Variants in DLG2 observed in about 807,000 individuals in gnomAD.
The protein encoded by DLG2 is discs large MAGUK scaffold protein 2.
DLG2 carries 45 observed loss-of-function variants against 132.5 expected under a neutral mutation model. The ratio of observed to expected loss-of-function variants is 0.34; its 90% CI spans 0.27 to 0.44. DLG2 has a LOEUF of 0.44. DLG2 is among the 20% of genes least tolerant of loss of function. The pLI is 1.00. For synonymous variants in DLG2, 424 were observed against 419.6 expected, an observed-to-expected ratio of 1.01 and a Z score of -0.13; for missense variants, 1,045 against 1,196.9, an observed-to-expected ratio of 0.87 and a Z score of 1.87.
chr11:84,179,373 A>T (rs147668452), intron 8 of DLG2, among the ~76,000 whole-genome samples: 1 of 152,292 alleles, frequency 6.6e-6, no homozygotes, highest in East Asian at 1.9e-4. Flanking sequence ...CTGTCCCCAA[A>T]ATCAGTCAGA....
rs1307394347 is a variant in DLG2, at chr11:83,541,847, T to C, written c.1952A>G (p.Asp651Gly). 18 of 1,607,132 alleles carry C rather than the reference T, an allele frequency of 1.1e-5. No homozygotes were observed. The highest frequency in any genetic ancestry group is 1.5e-5 in the Non-Finnish European group (18 of 1,176,528). ...KRSLYVRAMF[D>G]YDKSKDSGLP... The stretch of plus-strand genomic sequence containing the variant: ...CCCACTGTCCTTGCTCTTGTCGTAG[T>C]CGAACATGGCTCTGGAGGAAAGGAC... The change falls in exon 20 of 28, where the codon GAC becomes GGC. Residue 651 changes from aspartate to glycine, a missense_variant. This residue lies in a region of DLG2 where 398 missense variants were observed against 543.6 expected (regional missense o/e 0.73). Coordinates refer to ENST00000376104, the MANE Select transcript of DLG2 (RefSeq NM_001142699.3).
intron 6 of DLG2, among the ~76,000 whole-genome samples, chr11:85,109,141 T>A (rs1275223805): frequency 6.6e-6 from 1 of 152,098 alleles, no homozygotes; most frequent in East Asian, 1.9e-4. Context: ...CAGGCTCACA[T>A]AATCTAAACA....
intron 9 of DLG2, among the ~76,000 whole-genome samples, chr11:84,105,678 A>AT (rs1332547378): frequency 6.6e-6 from 1 of 152,152 alleles, no homozygotes; most frequent in Non-Finnish European, 1.5e-5. Context: ...TATAGTATTG[A>AT]AACCTTAGAT....
intron 19 of DLG2, among the ~76,000 whole-genome samples, chr11:83,588,464 C>T (rs1227030402): frequency 2.6e-5 from 4 of 152,106 alleles, no homozygotes; most frequent in Non-Finnish European, 4.4e-5. Flanking sequence ...AAAGGACATC[C>T]ACACCAAAAA....
At position 85,232,422 on chromosome 11, in the gene DLG2, GAA is replaced by G. The variant is rs142530510; in HGVS notation, c.186+52796_186+52797del. Among the ~76,000 whole-genome samples, 259 of 151,824 alleles carry G rather than the reference GAA, an allele frequency of 1.7e-3. 1 individual carries two copies. The highest frequency in any genetic ancestry group is 6.1e-3 in the African/African-American group (254 of 41,460). ...AAAGACAGTTATTATTGAACCATCA[GAA>G]AAATCATATTTACTTTCTCTCAGAA... On this transcript the variant is annotated intron_variant, in intron 4 of 27. Transcript: ENST00000376104.
intron 3 of DLG2, among the ~76,000 whole-genome samples, chr11:85,539,276 A>G (rs1469968319): frequency 1.3e-5 from 2 of 149,454 alleles, no homozygotes; most frequent in East Asian, 3.9e-4. Context: ...ACTCCATTTA[A>G]TCTAAGCATA....
intron 7 of DLG2, among the ~76,000 whole-genome samples, chr11:84,383,281 T>C (rs1254293124): frequency 6.6e-6 from 1 of 151,902 alleles, no homozygotes; most frequent in Non-Finnish European, 1.5e-5. Flanking sequence ...CTGGATTATA[T>C]GGTTAGGTTT....
intron 7 of DLG2, among the ~76,000 whole-genome samples, chr11:84,508,202 C>A (rs147186760): frequency 4.6e-5 from 7 of 152,222 alleles, no homozygotes; most frequent in Admixed American, 3.9e-4. Context: ...ACCTTTATAA[C>A]CTCACTTCCT....
At chr11:85,598,016 A>C (rs34263139) in intron 3 of DLG2, among the ~76,000 whole-genome samples, 61 of 151,640 alleles carry the variant, frequency 4.0e-4, no homozygotes, top group African/African-American at 9.4e-4. Flanking sequence ...TATAAAAAAA[A>C]ATATATAAAT....
At chr11:85,222,622 G>A (rs1013235982) in intron 4 of DLG2, among the ~76,000 whole-genome samples, 10 of 152,164 alleles carry the variant, frequency 6.6e-5, no homozygotes, top group Non-Finnish European at 1.3e-4. Context: ...TCCACAGATT[G>A]TAAAGACTGA....
chr11:83,790,631 T>A lies in DLG2; in HGVS notation c.1723-3839A>T, dbSNP rs548761445. 7.3e-5 allele frequency: 93 copies of A among 1,275,616 alleles called. 1 individual carries two copies. In the African/African-American group the frequency reaches 1.1e-3, roughly 15 times the overall value. 79.0% of individuals were successfully genotyped at this position (1,275,616 alleles called of 1,614,324 possible). Reference sequence around the variant, plus strand: ...TCCTTTGGATTTGATTATTTTGCATTGGAGGTAGCAATGGTGAGAGTGGAG... The same window carrying A: ...TCCTTTGGATTTGATTATTTTGCATAGGAGGTAGCAATGGTGAGAGTGGAG... On this transcript the variant is annotated intron_variant, in intron 17 of 27. Coordinates refer to ENST00000376104, the MANE Select transcript of DLG2 (RefSeq NM_001142699.3).
chr11:84,668,156 C>T (rs1378283913), intron 6 of DLG2, among the ~76,000 whole-genome samples: 6 of 151,974 alleles, frequency 3.9e-5, no homozygotes, highest in African/African-American at 4.8e-5. Flanking sequence ...CAGAGGGTAC[C>T]CTTGATAAAT....
chr11:84,332,638 C>T (rs888991183), intron 7 of DLG2, among the ~76,000 whole-genome samples: 1 of 152,138 alleles, frequency 6.6e-6, no homozygotes, highest in Non-Finnish European at 1.5e-5. Context: ...GCCACCGCGC[C>T]TGGCCGCTTG....
chr11:85,313,727 A>C (rs2080460131), intron 3 of DLG2, among the ~76,000 whole-genome samples: 1 of 151,930 alleles, frequency 6.6e-6, no homozygotes, highest in Non-Finnish European at 1.5e-5. Context: ...AAAATAATTT[A>C]CTTCTTGGTT....
chr11:85,333,232 C>T (rs1271372003), intron 3 of DLG2, among the ~76,000 whole-genome samples: 1 of 152,058 alleles, frequency 6.6e-6, no homozygotes, highest in East Asian at 1.9e-4. Flanking sequence ...TCTTGATTGG[C>T]TCTCAGCTTA....
chr11:84,099,658 T>C (rs1300228888), intron 9 of DLG2, among the ~76,000 whole-genome samples: 3 of 151,372 alleles, frequency 2.0e-5, no homozygotes, highest in Non-Finnish European at 4.4e-5. Flanking sequence ...TGCAGCAGCA[T>C]GGAAATCTGA....
At chr11:83,898,185 A>G (rs1005145965) in intron 15 of DLG2, among the ~76,000 whole-genome samples, 1 of 152,214 alleles carries the variant, frequency 6.6e-6, no homozygotes, top group African/African-American at 2.4e-5. Flanking sequence ...TTTGAATCAT[A>G]AATTATAAAC....
chr11:85,054,699 C>A (rs1042155890), intron 6 of DLG2, among the ~76,000 whole-genome samples: 1 of 152,198 alleles, frequency 6.6e-6, no homozygotes, highest in Non-Finnish European at 1.5e-5. Context: ...AAAACAAAAT[C>A]ATGTCCTTTG....
At chr11:83,772,188 G>T (rs576025035) in intron 18 of DLG2, among the ~76,000 whole-genome samples, 1 of 151,972 alleles carries the variant, frequency 6.6e-6, no homozygotes. Flanking sequence ...CAGGCAGATC[G>T]CTTGAGCTCA....
Sources: gnomAD v4.1 joint callset for allele counts (sites outside exome capture counted in the v4.1 genomes callset) on GRCh38, gnomAD v4.1.1 for gene constraint, gnomAD v4.1.1 regional missense constraint, MANE v1.5 for transcripts, NCBI Gene and HGNC (gene_info 2026-07-23, HGNC 2026-07-21) for gene names.